The following PFKFB3 variants were observed in gnomAD, a reference collection of about 807,000 sequenced individuals.
PFKFB3 encodes 6-phosphofructo-2-kinase/fructose-2,6-biphosphatase 3.
A neutral mutation model predicts 68.0 loss-of-function variants in PFKFB3; 33 were observed. That is an observed-to-expected ratio of 0.49 (90% CI 0.37 to 0.65). The LOEUF is 0.65. Among genes scored for constraint, PFKFB3 ranks in the 30% least tolerant of loss-of-function variants. PFKFB3 has a pLI of 0.00. For missense variants in PFKFB3, 586 were observed against 712.2 expected, an observed-to-expected ratio of 0.82 and a Z score of 2.02; for synonymous variants, 315 against 288.2, an observed-to-expected ratio of 1.09 and a Z score of -0.94.
intron 1 of PFKFB3, among the ~76,000 whole-genome samples, chr10:6,182,512 T>A (rs1369215874): frequency 6.6e-6 from 1 of 152,148 alleles, no homozygotes; most frequent in Non-Finnish European, 1.5e-5. Flanking sequence ...CCCAGGCCGA[T>A]CCCTTCGCCA....
At chr10:6,275,034 T>C in the PFKFB3 span, among the ~76,000 whole-genome samples, 11 of 152,320 alleles carry the variant, frequency 7.2e-5, no homozygotes, top group South Asian at 2.1e-3. The surrounding 1 kb of genome is among the most constrained non-coding windows in gnomAD (Gnocchi z 4.9). Context: ...GAATTTGATC[T>C]GTTCCTGGAC....
intron 1 of PFKFB3, chr10:6,163,725 C>G (rs1038076671): frequency 2.0e-5 from 3 of 151,782 alleles, no homozygotes; most frequent in African/African-American, 7.3e-5. Flanking sequence ...GGGGGTGGTC[C>G]GCGCGGATTG....
In PFKFB3 at chr10:6,228,253, C is replaced by T. The variant is rs922987474; in HGVS notation, c.1515+1888C>T. Reference sequence around the variant, plus strand: ...TCTCCGATCATCGCTGCTGCTTGCACTGCTTTCTTCCTGCTTGCTCATTTG... The same window carrying T: ...TCTCCGATCATCGCTGCTGCTTGCATTGCTTTCTTCCTGCTTGCTCATTTG... On this transcript the variant is annotated intron_variant, in intron 14 of 14. Coordinates refer to ENST00000379775, the MANE Select transcript of PFKFB3 (RefSeq NM_004566.4). This position sits in a 1 kb window ranked among gnomAD's most constrained non-coding sequence, Gnocchi z 4.5. 2.5e-6 allele frequency: 4 copies of T among 1,611,690 alleles called. No homozygotes were observed. The highest frequency in any genetic ancestry group is 3.4e-6 in the Non-Finnish European group (4 of 1,178,916).
At chr10:6,174,530 C>T (rs996183121) in intron 1 of PFKFB3, among the ~76,000 whole-genome samples, 2 of 152,218 alleles carry the variant, frequency 1.3e-5, no homozygotes, top group African/African-American at 4.8e-5. Flanking sequence ...CCTGCGGCCC[C>T]CGCCGAGAAA....
At chr10:6,158,674 T>C (rs139760504) in intron 1 of PFKFB3, among the ~76,000 whole-genome samples, 1,639 of 152,214 alleles carry the variant, frequency 0.011, 65 homozygotes, top group East Asian at 0.099. Flanking sequence ...AAGACCAGCC[T>C]GGTCGACATG....
intron 1 of PFKFB3, among the ~76,000 whole-genome samples, chr10:6,207,012 C>T (rs1232568611): frequency 1.3e-5 from 2 of 149,760 alleles, no homozygotes; most frequent in Admixed American, 1.3e-4. Context: ...CAGGCAGAGA[C>T]GCTCCTCACT....
the PFKFB3 span, among the ~76,000 whole-genome samples, chr10:6,288,200 T>C: frequency 1.3e-5 from 2 of 151,414 alleles, no homozygotes; most frequent in African/African-American, 4.8e-5. Context: ...TTTCTTTTTT[T>C]TTTTTTTTAA....
the PFKFB3 span, among the ~76,000 whole-genome samples, chr10:6,281,227 T>C: frequency 1.4e-5 from 2 of 142,882 alleles, no homozygotes; most frequent in African/African-American, 5.0e-5. Context: ...GGGCCTTTGG[T>C]TGGTTCCACA....
At chr10:6,185,483 G>A (rs1178844536) in intron 1 of PFKFB3, among the ~76,000 whole-genome samples, 1 of 152,202 alleles carries the variant, frequency 6.6e-6, no homozygotes, top group Non-Finnish European at 1.5e-5. Context: ...GGAGACGGCA[G>A]AGGGACGCCA....
At chr10:6,200,659 C>CGGGGGGGGGGGGGGGGGGGG (rs57019530), upstream of PFKFB3, among the ~76,000 whole-genome samples, 1 of 68,886 alleles carries the variant, frequency 1.5e-5, no homozygotes. Flanking sequence ...ATGTAAGGAG[C>CGGGGGGGGGGGGGGGGGGGG]GGGGGGGGGG....
At chr10:6,162,103 A>C (rs1190201973) in intron 1 of PFKFB3, among the ~76,000 whole-genome samples, 1 of 152,094 alleles carries the variant, frequency 6.6e-6, no homozygotes, top group Non-Finnish European at 1.5e-5. Flanking sequence ...GAATCTGACT[A>C]TTCTAGGGAA....
intron 1 of PFKFB3, among the ~76,000 whole-genome samples, chr10:6,171,699 T>C (rs376174185): frequency 6.5e-4 from 99 of 152,368 alleles, no homozygotes; most frequent in Middle Eastern, 6.8e-3. Context: ...GGCCTAGATA[T>C]CTATTTTTTA....
Position 6,228,053 on chromosome 10 carries a change from G to A in PFKFB3, c.1515+1688G>A, listed in dbSNP as rs1367676967. ...CCGCTTCAGAGCTGCCCCTGGCGTT[G>A]GGAGGACAGTCCTTCAGGGTGGCCA... On this transcript the variant is annotated intron_variant, in intron 14 of 14. Coordinates refer to ENST00000379775, the MANE Select transcript of PFKFB3 (RefSeq NM_004566.4). The surrounding 1 kb of genome is among the most constrained non-coding windows in gnomAD (Gnocchi z 4.5). The A allele has an allele frequency of 2.5e-6, 2 of 810,078 alleles. No homozygotes were observed. Among genetic ancestry groups the A allele is most frequent in the Non-Finnish European group, 4.2e-6 (2 of 477,066 alleles). 50.2% of individuals were successfully genotyped at this position (810,078 alleles called of 1,614,324 possible). A position where few individuals can be genotyped will look rare whatever the true frequency, so the allele number is the denominator to read the frequency against.
chr10:6,144,923 G>A, upstream of PFKFB3: 4 of 1,147,282 alleles, frequency 3.5e-6, no homozygotes, highest in Non-Finnish European at 4.4e-6. Flanking sequence ...GGCGCCCCGA[G>A]TCGCGGGGCT....
At chr10:6,195,017 C>T (rs1843139185) in intron 1 of PFKFB3, among the ~76,000 whole-genome samples, 1 of 152,050 alleles carries the variant, frequency 6.6e-6, no homozygotes, top group African/African-American at 2.4e-5. Flanking sequence ...GGATTACAGG[C>T]ACCTCTTACC....
the PFKFB3 span, among the ~76,000 whole-genome samples, chr10:6,278,603 C>A: frequency 6.6e-6 from 1 of 152,122 alleles, no homozygotes; most frequent in African/African-American, 2.4e-5. Context: ...ACCAGTTATC[C>A]CCTGAAGACC....
intron 4 of PFKFB3, 69 bp downstream of exon 4, chr10:6,216,260 G>T (rs2516620): frequency 7.1e-7 from 1 of 1,413,700 alleles, no homozygotes; most frequent in Non-Finnish European, 1.0e-6. Context: ...CCGGCCTGGG[G>T]TGTACCGAGA....
At chr10:6,193,824 AG>A (rs1843096779) in intron 1 of PFKFB3, among the ~76,000 whole-genome samples, 1 of 152,206 alleles carries the variant, frequency 6.6e-6, no homozygotes. Context: ...GAGATTGTAA[AG>A]AACCTTCTTA....
chr10:6,197,000 T>TTATTA lies in PFKFB3; in HGVS notation c.17-16622_17-16621insATTAT, dbSNP rs763926675. On this transcript the variant is annotated intron_variant, in intron 1 of 14. Transcript: ENST00000379789. ...ACTTATTATTATTATTATTATTATT[T>TTATTA]TTGAGACAGAGTCTTGCTCTGTCCC... Among the ~76,000 whole-genome samples the TTATTA allele has an allele frequency of 3.0e-3, 450 of 151,588 alleles. 3 individuals are homozygous for TTATTA. The highest frequency in any genetic ancestry group is 0.01 in the African/African-American group (430 of 41,252).
Sources: gnomAD v4.1 joint callset for allele counts (sites outside exome capture counted in the v4.1 genomes callset) on GRCh38, gnomAD v4.1.1 for gene constraint, Gnocchi (gnomAD v3.1) non-coding constraint, MANE v1.5 for transcripts, NCBI Gene and HGNC (gene_info 2026-07-23, HGNC 2026-07-21) for gene names.